The following NBR1 variants were observed in gnomAD, a reference collection of about 807,000 sequenced individuals.
The protein encoded by NBR1 is NBR1 autophagy cargo receptor, also known as next to BRCA1 gene 1 protein.
In NBR1, 59 loss-of-function variants were observed where a neutral mutation model predicts 115.5. That is an observed-to-expected ratio of 0.51 (90% CI 0.41 to 0.63). NBR1 has a LOEUF of 0.63. Ranked by LOEUF, NBR1 falls within the 30% of genes least tolerant of loss-of-function variation. The pLI is 0.00. For synonymous variants in NBR1, 373 were observed against 414.7 expected (o/e 0.90, Z 1.22); for missense variants, 1,043 against 1,150.5 (o/e 0.91, Z 1.35).
chr17:43,183,208 CGT>C (rs1231727031), intron 5 of NBR1, among the ~76,000 whole-genome samples: 1 of 150,896 alleles, frequency 6.6e-6, no homozygotes, highest in African/African-American at 2.5e-5. Context: ...TTTTCTTTGA[CGT>C]GTGTGTCATT....
Position 43,191,513 on chromosome 17 carries a change from C to G in NBR1, c.1005C>G (p.Ile335Met). ...LHRKIHLWNS[I>M]HGLQSPKSPL... ...GGAAAATTCACCTGTGGAATTCAATCCATGGACTCCAGAGCCCCAAGTCTC... is the reference window on the plus strand; with the variant it reads ...GGAAAATTCACCTGTGGAATTCAATGCATGGACTCCAGAGCCCCAAGTCTC... Residue 335 changes from isoleucine to methionine, a missense_variant, in exon 10 of 21, where the codon ATC (isoleucine) becomes ATG (methionine). Coordinates refer to ENST00000590996, the MANE Select transcript of NBR1 (RefSeq NM_005899.5). The G allele has an allele frequency of 6.2e-7, 1 of 1,613,266 alleles. No individual in the cohort carries two copies.
chr17:43,196,710 T>C, intron 15 of NBR1, 119 bp downstream of exon 15: 1 of 900,242 alleles, frequency 1.1e-6, no homozygotes, highest in Non-Finnish European at 1.7e-6. Context: ...TTCTGTAGCA[T>C]CTCATGTTTT....
rs775047996 is a variant in NBR1, at chr17:43,190,652, C to G, written c.739C>G (p.Pro247Ala). 1.9e-6 allele frequency: 3 copies of G among 1,609,408 alleles called. No homozygotes were observed. Among genetic ancestry groups the G allele is most frequent in the Non-Finnish European group, 2.5e-6 (3 of 1,177,756 alleles). The change falls in exon 9 of 21, where the codon CCA becomes GCA. Residue 247 changes from proline to alanine, a missense_variant. Pro to Ala is a conservative substitution (Grantham distance 27). Transcript: ENST00000590996. ...YNICEDCEAG[P>A]YGHDTNHVLL... ...TATCTGTGAAGATTGTGAAGCAGGG[C>G]CATATGGCCATGACACTAACCACGT...
At chr17:43,209,877 T>TTG in intron 20 of NBR1, 24 bp from the exon 21 acceptor site, 1 of 1,453,666 alleles carries the variant, frequency 6.9e-7, no homozygotes. Flanking sequence ...TTTTTTTTTT[T>TTG]TTGCTTTGCT....
At position 43,196,973 on chromosome 17, in the gene NBR1, G is replaced by A. The variant is rs2057082302; in HGVS notation, c.1893G>A (p.Glu631=). ...DSMVSVKRKA[E]NIASVEEAEE... ...TGGTGTCAGTAAAGAGGAAGGCTGA[G>A]AACATTGCTTCTGTGGAGGAAGCAG... Residue 631 remains glutamate, a synonymous_variant, in exon 16 of 21, where the codon GAG becomes GAA. Coordinates refer to ENST00000590996, the MANE Select transcript of NBR1 (RefSeq NM_005899.5). The A allele has an allele frequency of 1.2e-6, 2 of 1,614,048 alleles. No individual in the cohort carries two copies. Among genetic ancestry groups the A allele is most frequent in the African/African-American group, 1.3e-5 (1 of 75,058 alleles).
chr17:43,181,127 C>T (rs2056653401), intron 5 of NBR1, among the ~76,000 whole-genome samples: 1 of 152,162 alleles, frequency 6.6e-6, no homozygotes, highest in South Asian at 2.1e-4. Flanking sequence ...CTGGCCTTGG[C>T]CTCCCAAGTG....
upstream of NBR1, chr17:43,170,841 T>A (rs2056335269): frequency 6.6e-6 from 1 of 152,190 alleles, no homozygotes; most frequent in Non-Finnish European, 1.5e-5. Context: ...TATGTTCTCC[T>A]ATCTTGAGAG....
At chr17:43,181,394 A>G (rs953007409) in intron 5 of NBR1, among the ~76,000 whole-genome samples, 2 of 151,946 alleles carry the variant, frequency 1.3e-5, no homozygotes, top group African/African-American at 4.8e-5. Flanking sequence ...ATAACTGGCC[A>G]GGCGTGGTGG....
chr17:43,199,653 G>T (rs919926582), intron 16 of NBR1, among the ~76,000 whole-genome samples: 8 of 152,134 alleles, frequency 5.3e-5, no homozygotes, highest in African/African-American at 1.9e-4. Flanking sequence ...GGGATTACAA[G>T]CGTGAGCCAC....
intron 20 of NBR1, among the ~76,000 whole-genome samples, chr17:43,206,928 G>A (rs1405484235): frequency 6.6e-6 from 1 of 152,090 alleles, no homozygotes; most frequent in Admixed American, 6.5e-5. Context: ...AGCCGGACTT[G>A]GTGGCGCACA....
At chr17:43,178,236 C>T (rs990056340) in intron 3 of NBR1, among the ~76,000 whole-genome samples, 2 of 151,016 alleles carry the variant, frequency 1.3e-5, no homozygotes, top group African/African-American at 4.9e-5. Flanking sequence ...AAAAAGGAAA[C>T]AGGGTCTCAC....
chr17:43,203,313 C>A (rs923284062), intron 19 of NBR1, among the ~76,000 whole-genome samples: 1 of 152,260 alleles, frequency 6.6e-6, no homozygotes, highest in Non-Finnish European at 1.5e-5. Context: ...CATATTAGGC[C>A]AGTGTCCAGA....
intron 12 of NBR1, among the ~76,000 whole-genome samples, chr17:43,193,914 C>T (rs1462351676): frequency 1.3e-5 from 2 of 152,202 alleles, no homozygotes; most frequent in African/African-American, 4.8e-5. Flanking sequence ...GAAAAAGGGA[C>T]TCCTGGCCTG....
At chr17:43,198,660 A>G (rs373405238) in intron 16 of NBR1, among the ~76,000 whole-genome samples, 58 of 146,682 alleles carry the variant, frequency 4.0e-4, no homozygotes, top group Non-Finnish European at 7.6e-4. Flanking sequence ...TAAAAAAAAA[A>G]AATAATAAAG....
At chr17:43,172,895 G>T (rs567496145) in intron 1 of NBR1, among the ~76,000 whole-genome samples, 2 of 152,082 alleles carry the variant, frequency 1.3e-5, no homozygotes, top group South Asian at 4.2e-4. Flanking sequence ...GCGCGATCTT[G>T]GCTCACTGCA....
intron 16 of NBR1, 79 bp from the exon 17 acceptor site, chr17:43,200,088 A>G (rs1168137107): frequency 8.2e-5 from 96 of 1,170,206 alleles, no homozygotes; most frequent in Non-Finnish European, 1.1e-4. Flanking sequence ...CTTATGATCC[A>G]CAAGGCTTTA....
chr17:43,175,696 C>A, intron 1 of NBR1, 95 bp from the exon 2 acceptor site: 1 of 607,738 alleles, frequency 1.6e-6, no homozygotes, highest in Non-Finnish European at 3.0e-6. Flanking sequence ...CATATTGGGT[C>A]CTCACAAGTA....
rs2057259109 is a variant in NBR1, at chr17:43,203,935, C to T, written c.2727+149C>T. 1.2e-5 allele frequency: 5 copies of T among 417,376 alleles called. No individual in the cohort carries two copies. In the East Asian group the frequency reaches 1.8e-4, roughly 15 times the overall value. 25.9% of individuals were successfully genotyped at this position (417,376 alleles called of 1,614,324 possible). On this transcript the variant is annotated intron_variant, in intron 20 of 20. Transcript: ENST00000590996. ...TTAGTTAACACACAACACAACTCTG[C>T]CACTTTTTTTTTTTTTTTTTGAGAC...
Position 43,197,377 on chromosome 17 carries a change from G to T in NBR1, c.2026+271G>T, listed in dbSNP as rs538464839. ...TACTAAAAATACAAAAAATTAGCCT[G>T]GCGACGTGGCGGGTGCCTGTAGTCC... is the stretch of plus-strand genomic sequence containing the variant. On this transcript the variant is annotated intron_variant, in intron 16 of 20. Transcript: ENST00000590996. Among the ~76,000 whole-genome samples, 159 of 152,208 alleles carry T rather than the reference G, an allele frequency of 1.0e-3. 1 individual carries two copies. Among genetic ancestry groups the T allele is most frequent in the African/African-American group, 3.4e-3 (140 of 41,526 alleles).
Sources: gnomAD v4.1 joint callset for allele counts (sites outside exome capture counted in the v4.1 genomes callset) on GRCh38, gnomAD v4.1.1 for gene constraint, MANE v1.5 for transcripts, NCBI Gene and HGNC (gene_info 2026-07-23, HGNC 2026-07-21) for gene names.